MTOR: variants seen among roughly 807,000 people sequenced by gnomAD.
MTOR encodes mechanistic target of rapamycin kinase.
A neutral mutation model predicts 319.8 loss-of-function variants in MTOR; 70 were observed. That is an observed-to-expected ratio of 0.22 (90% confidence interval 0.18 to 0.27). The LOEUF is 0.27. MTOR is among the 10% of genes least tolerant of loss of function. The probability of loss-of-function intolerance (pLI) is 1.00; values close to 1 mark genes in which losing one functional copy is unlikely to be tolerated. For missense variants in MTOR, 1,890 were observed against 3,274.4 expected (o/e 0.58, Z 10.32); for synonymous variants, 1,183 against 1,211.4 (o/e 0.98, Z 0.49).
rs1301186663 is a variant in MTOR at position 11,114,299 on chromosome 1, G to A, written c.7300+19C>T. ...TGTGAGCCACTGAGCTCAGCTCCCA[G>A]GCACTTGATGATACTCACTGTCCAT... On this transcript the variant is annotated intron_variant, in intron 53 of 57. Coordinates refer to ENST00000361445, the MANE Select transcript of MTOR (RefSeq NM_004958.4). The A allele has an allele frequency of 1.2e-6, 2 of 1,613,000 alleles. No individual in the cohort carries two copies. The highest frequency in any genetic ancestry group is 1.7e-5 in the Admixed American group (1 of 60,000).
chr1:11,169,994 G>A (rs1225080507), intron 28 of MTOR, among the ~76,000 whole-genome samples: 1 of 152,216 alleles, frequency 6.6e-6, no homozygotes, highest in Non-Finnish European at 1.5e-5. Context: ...GAGTAGAACT[G>A]TTCGAGTGTC....
chr1:11,127,958 G>A lies in MTOR; in HGVS notation c.6033+46C>T, dbSNP rs2100411900. The A allele has an allele frequency of 6.2e-7, 1 of 1,609,018 alleles. No individual in the cohort carries two copies. The highest frequency in any genetic ancestry group is 8.5e-7 in the Non-Finnish European group (1 of 1,178,582). On this transcript the variant is annotated intron_variant, in intron 43 of 57. Coordinates refer to ENST00000361445, the MANE Select transcript of MTOR (RefSeq NM_004958.4). The surrounding 1 kb of genome is among the most constrained non-coding windows in gnomAD (Gnocchi z 5.5). ...AAAACAATCCCACTTGCGCCCACCA[G>A]CTAAGGGACCAGGGTCTATGAAGCC... is the stretch of plus-strand genomic sequence containing the variant.
intron 24 of MTOR, among the ~76,000 whole-genome samples, chr1:11,210,387 C>G (rs1646270683): frequency 6.6e-6 from 1 of 152,188 alleles, no homozygotes; most frequent in Non-Finnish European, 1.5e-5. Flanking sequence ...TGGGCTCAAG[C>G]AATCCACCTG....
At chr1:11,165,319 T>C in intron 29 of MTOR, among the ~76,000 whole-genome samples, 1 of 152,162 alleles carries the variant, frequency 6.6e-6, no homozygotes, top group Non-Finnish European at 1.5e-5. Context: ...TGTTTGCAGG[T>C]GACATGATTG....
At chr1:11,178,039 C>T (rs564236989) in intron 28 of MTOR, among the ~76,000 whole-genome samples, 2 of 152,286 alleles carry the variant, frequency 1.3e-5, no homozygotes, top group Admixed American at 1.3e-4. Context: ...ATTGCTTTTA[C>T]TGGCTGCATA....
chr1:11,254,211 C>A (rs1650064687), intron 5 of MTOR, among the ~76,000 whole-genome samples: 1 of 151,988 alleles, frequency 6.6e-6, no homozygotes, highest in African/African-American at 2.4e-5. Context: ...GCAATCTCGG[C>A]TCTCCACAAC....
At chr1:11,111,567 CAG>C in intron 54 of MTOR, 1 of 185,350 alleles carries the variant, frequency 5.4e-6, no homozygotes, top group Non-Finnish European at 1.1e-5. Flanking sequence ...GCTCTCTTCG[CAG>C]CTACGGTTCA....
rs200922641 is a variant in MTOR, at chr1:11,228,835, G to A, written c.2863C>T (p.Leu955=). The change falls in exon 19 of 58, where the codon CTG becomes TTG. Residue 955 remains leucine (L), a synonymous_variant. Coordinates refer to ENST00000361445, the MANE Select transcript of MTOR (RefSeq NM_004958.4). ...EFYPAVSMVA[L]MRIFRDQSLS... is the part of the protein sequence containing the mutation. ...GACTGGTCTCGGAAGATCCGCATCA[G>A]GGCCACCATGGACACAGCTGGGTAG... is the stretch of plus-strand genomic sequence containing the variant. 2 of 1,614,162 alleles carry A rather than the reference G, an allele frequency of 1.2e-6. No individual in the cohort carries two copies. The highest frequency in any genetic ancestry group is 1.7e-5 in the Admixed American group (1 of 60,016).
At chr1:11,211,314 C>T (rs2100788995) in intron 23 of MTOR, among the ~76,000 whole-genome samples, 1 of 152,334 alleles carries the variant, frequency 6.6e-6, no homozygotes, top group East Asian at 1.9e-4. Flanking sequence ...TCAGAATCAC[C>T]TGGACAGCTC....
chr1:11,212,138 A>G lies in MTOR; in HGVS notation c.3561+174T>C, dbSNP rs546515195. On this transcript the variant is annotated intron_variant, in intron 23 of 57. Coordinates refer to ENST00000361445, the MANE Select transcript of MTOR (RefSeq NM_004958.4). The surrounding 1 kb of genome is among the most constrained non-coding windows in gnomAD (Gnocchi z 4.1). ...CCGTGTTACCCCCAGAACGGCACTT[A>G]GCTCACATAGGTTGCTCAATAAATG... Among the ~76,000 whole-genome samples the G allele has an allele frequency of 6.6e-6, 1 of 152,296 alleles. No homozygotes were observed. The highest frequency in any genetic ancestry group is 2.1e-4 in the South Asian group (1 of 4,820).
At chr1:11,126,161 T>A (rs931491608) in intron 46 of MTOR, among the ~76,000 whole-genome samples, 1 of 151,482 alleles carries the variant, frequency 6.6e-6, no homozygotes, top group African/African-American at 2.4e-5. Flanking sequence ...CAGAGCCCAC[T>A]TGCTTAACAA....
chr1:11,194,784 T>C, intron 28 of MTOR: 1 of 1,600,784 alleles, frequency 6.2e-7, no homozygotes, highest in Non-Finnish European at 8.5e-7. Context: ...TGACCCTGGC[T>C]CTAACTCCTT....
intron 28 of MTOR, among the ~76,000 whole-genome samples, chr1:11,172,836 T>C (rs1644864600): frequency 7.2e-6 from 1 of 138,710 alleles, no homozygotes; most frequent in Non-Finnish European, 1.5e-5. Context: ...CACTCCAGCC[T>C]GAGCGAAAAA....
At chr1:11,239,056 A>G (rs964050192) in intron 11 of MTOR, among the ~76,000 whole-genome samples, 3 of 151,774 alleles carry the variant, frequency 2.0e-5, no homozygotes, top group Admixed American at 6.6e-5. Flanking sequence ...TTATAGGCGT[A>G]AGCCACCGCG....
chr1:11,212,834 C>A lies in MTOR; in HGVS notation c.3360G>T (p.Lys1120Asn), dbSNP rs2100794808. 1 of 1,614,116 alleles carries A rather than the reference C, an allele frequency of 6.2e-7. No individual in the cohort carries two copies. Among genetic ancestry groups the A allele is most frequent in the South Asian group, 1.1e-5 (1 of 91,076 alleles). The change falls in exon 22 of 58, where the codon AAG becomes AAT. Residue 1120 changes from lysine (K) to asparagine (N), a missense_variant. By Grantham distance (94) the Lys-to-Asn change is moderately conservative (BLOSUM62 0). Coordinates refer to ENST00000361445, the MANE Select transcript of MTOR (RefSeq NM_004958.4). This position sits in a 1 kb window ranked among gnomAD's most constrained non-coding sequence, Gnocchi z 4.1. ...YLHLLLPPIVKLFDAPEAPLP... is the reference protein window; with the variant it reads ...YLHLLLPPIVNLFDAPEAPLP... ...GTGGAGCTTCAGGGGCATCAAACAA[C>A]TTAACAATAGGAGGCAGCAGTAAAT...
Position 11,112,912 on chromosome 1 carries a change from T to C in MTOR, c.7306A>G (p.Thr2436Ala). 1 of 1,614,162 alleles carries C rather than the reference T, an allele frequency of 6.2e-7. No homozygotes were observed. Among genetic ancestry groups the C allele is most frequent in the Non-Finnish European group, 8.5e-7 (1 of 1,180,014 alleles). ...LLNWRLMDTNTKGNKRSRTRT... is the reference protein window; with the variant it reads ...LLNWRLMDTNAKGNKRSRTRT... ...GTTCGGGATCGCTTGTTGCCTTTGG[T>C]ATTTGCTAGGGAGAGAAATAAAGAG... Residue 2436 changes from threonine to alanine, a missense_variant, in exon 54 of 58, where the codon ACC (threonine) becomes GCC (alanine). Thr to Ala is a moderately conservative substitution (Grantham distance 58). This residue lies in a region of MTOR where 49 missense variants were observed against 67.6 expected (regional missense o/e 0.72). Coordinates refer to ENST00000361445, the MANE Select transcript of MTOR (RefSeq NM_004958.4).
Position 11,145,034 on chromosome 1 carries a change from C to T in MTOR, c.4698G>A (p.Lys1566=), listed in dbSNP as rs200775868. 7.4e-5 allele frequency: 120 copies of T among 1,614,036 alleles called. 1 individual carries two copies. The highest frequency in any genetic ancestry group is 1.3e-5 in the Non-Finnish European group (15 of 1,180,012). ...ATTCAGCATCCAGCAGGTCCCTGGC[C>T]TTGTCAATGCACTAGAAGAGAAACA... is the stretch of plus-strand genomic sequence containing the variant. ...LFSLAQQCID[K]ARDLLDAELT... is the part of the protein sequence containing the mutation. Residue 1566 remains lysine, a synonymous_variant, in exon 33 of 58, where the codon AAG becomes AAA. Coordinates refer to ENST00000361445, the MANE Select transcript of MTOR (RefSeq NM_004958.4).
chr1:11,194,836 G>T, intron 28 of MTOR: 7 of 1,613,436 alleles, frequency 4.3e-6, no homozygotes, highest in Non-Finnish European at 5.9e-6. Flanking sequence ...CTAGCACTGG[G>T]TCTGTTTCTC....
chr1:11,131,186 C>A lies in MTOR; in HGVS notation c.5365-409G>T, dbSNP rs571123722. The A allele has an allele frequency of 9.8e-5, 20 of 203,734 alleles. No individual in the cohort carries two copies. The Admixed American group carries it at 1.0e-3, about 10-fold the overall frequency. 12.6% of individuals were successfully genotyped at this position (203,734 alleles called of 1,614,324 possible). A position where few individuals can be genotyped will look rare whatever the true frequency, so the allele number is the denominator to read the frequency against. On this transcript the variant is annotated intron_variant, in intron 38 of 57. Transcript: ENST00000361445. ...TTGGGGTAGGTCTGGAAGAGAGCTGCAGAAGGGCAAGGAGGGAAACAAGAA... is the reference window on the plus strand; with the variant it reads ...TTGGGGTAGGTCTGGAAGAGAGCTGAAGAAGGGCAAGGAGGGAAACAAGAA...
Sources: allele counts gnomAD v4.1 joint callset (sites outside exome capture counted in the v4.1 genomes callset), GRCh38; gene constraint gnomAD v4.1.1; regional missense constraint gnomAD v4.1.1; non-coding constraint Gnocchi (gnomAD v3.1); transcripts MANE v1.5; gene names NCBI Gene and HGNC (gene_info 2026-07-23, HGNC 2026-07-21).